BSN: variants seen among roughly 807,000 people sequenced by gnomAD.
BSN encodes the protein protein bassoon.
Under a neutral mutation model 264.8 loss-of-function variants are expected in BSN, and 57 were observed. The ratio of observed to expected loss-of-function variants is 0.22; its 90% CI spans 0.17 to 0.27. The LOEUF is 0.27. Ranked by LOEUF, BSN falls within the 10% of genes least tolerant of loss-of-function variation. The pLI is 1.00. For synonymous variants in BSN, 2,059 were observed against 2,137.3 expected (o/e 0.96, Z 1.01); for missense variants, 4,615 against 5,232.5 (o/e 0.88, Z 3.64).
intron 1 of BSN, among the ~76,000 whole-genome samples, chr3:49,575,529 T>TATGTAAATATATGTGTGTATAG (rs1559595773): frequency 2.0e-5 from 3 of 147,556 alleles, no homozygotes; most frequent in Admixed American, 6.9e-5. Flanking sequence ...TGTGTGTATA[T>TATGTAAATATATGTGTGTATAG]ATGTAAATAT....
At chr3:49,591,276 C>A (rs2051974710) in intron 1 of BSN, among the ~76,000 whole-genome samples, 1 of 152,156 alleles carries the variant, frequency 6.6e-6, no homozygotes, top group Non-Finnish European at 1.5e-5. Flanking sequence ...CTATATGTTA[C>A]ATAGAAACAA....
At position 49,653,986 on chromosome 3, in the gene BSN, G is replaced by A. The variant is rs1218941867; in HGVS notation, c.4430G>A (p.Ser1477Asn). Residue 1477 changes from serine to asparagine, a missense_variant, in exon 5 of 12, where the codon AGC becomes AAC. This residue lies in a region of BSN where 3,415 missense variants were observed against 3,866.4 expected (regional missense o/e 0.88). Transcript: ENST00000296452. The surrounding 1 kb of genome is among the most constrained non-coding windows in gnomAD (Gnocchi z 6.3). ...GCATATTCCTACTTTGCAAGCTCCA[G>A]CCCACCTCTCTCCCCGTCTTCCCCC... Reference protein sequence around the residue: ...SRAYSYFASSSPPLSPSSPSE... With the variant: ...SRAYSYFASSNPPLSPSSPSE... The A allele has an allele frequency of 6.2e-7, 1 of 1,613,976 alleles. No individual in the cohort carries two copies. Among genetic ancestry groups the A allele is most frequent in the Non-Finnish European group, 8.5e-7 (1 of 1,180,006 alleles).
Position 49,642,560 on chromosome 3 carries a change from C to T in BSN, c.926C>T (p.Pro309Leu). The T allele has an allele frequency of 1.9e-6, 3 of 1,603,256 alleles. No individual in the cohort carries two copies. The highest frequency in any genetic ancestry group is 2.6e-6 in the Non-Finnish European group (3 of 1,173,544). Residue 309 changes from proline to leucine, a missense_variant, in exon 3 of 12, where the codon CCC becomes CTC. By Grantham distance (98) the Pro-to-Leu change is moderately conservative. Transcript: ENST00000296452. The surrounding 1 kb of genome is among the most constrained non-coding windows in gnomAD (Gnocchi z 7.0). ...AGGGTGTCTCCTCAGCCCCCTCAAC[C>T]CACCAAGCCTTCCACAGCTGAGCCC... ...VGRVSPQPPQ[P>L]TKPSTAEPRP... is the part of the protein sequence containing the mutation.
Position 49,652,914 on chromosome 3 carries a change from C to A in BSN, c.3358C>A (p.Arg1120Ser). The change falls in exon 5 of 12, where the codon CGC (arginine) becomes AGC (serine). Residue 1120 changes from arginine (R) to serine (S), a missense_variant. Physicochemically the swap from Arg to Ser is moderately radical, Grantham distance 110. Around this residue, in one of 3 missense-constraint regions of BSN, gnomAD observed 3,415 missense variants for 3,866.4 expected, o/e 0.88. Coordinates refer to ENST00000296452, the MANE Select transcript of BSN (RefSeq NM_003458.4). ...GGCGGCCGAGATGGAGGAGCTACAC[C>A]GCTCCTCCTGCTCTGAGTACTCACC... Reference protein sequence around the residue: ...RQAAEMEELHRSSCSEYSPSP... With the variant: ...RQAAEMEELHSSSCSEYSPSP... 1 of 1,610,178 alleles carries A rather than the reference C, an allele frequency of 6.2e-7. No homozygotes were observed. The highest frequency in any genetic ancestry group is 8.5e-7 in the Non-Finnish European group (1 of 1,177,610).
rs369652563 is a variant in BSN at position 49,662,342 on chromosome 3, C to T, written c.10497C>T (p.Ser3499=). 8 of 1,613,412 alleles carry T rather than the reference C, an allele frequency of 5.0e-6. No homozygotes were observed. The Admixed American group carries it at 5.0e-5, about 10-fold the overall frequency. ...AHSRVRPPMR[S]QASEEESPVS... is the part of the protein sequence containing the mutation. ...GCCGGGTACGACCCCCCATGCGGAG[C>T]CAGGCCTCTGAAGAGGAGAGCCCCG... The change falls in exon 6 of 12, where the codon AGC becomes AGT. Residue 3499 remains serine (S), a synonymous_variant. Coordinates refer to ENST00000296452, the MANE Select transcript of BSN (RefSeq NM_003458.4).
At chr3:49,557,349 C>A (rs2051681126) in intron 1 of BSN, among the ~76,000 whole-genome samples, 1 of 152,192 alleles carries the variant, frequency 6.6e-6, no homozygotes, top group Admixed American at 6.5e-5. Flanking sequence ...GGGCATCATT[C>A]ACTCGTTAAT....
At chr3:49,566,468 C>G (rs556432991) in intron 1 of BSN, among the ~76,000 whole-genome samples, 1 of 152,088 alleles carries the variant, frequency 6.6e-6, no homozygotes, top group Non-Finnish European at 1.5e-5. Flanking sequence ...ATGTCTGTCT[C>G]CTTGACCTAC....
At chr3:49,558,494 G>T (rs1329886091) in intron 1 of BSN, among the ~76,000 whole-genome samples, 1 of 152,210 alleles carries the variant, frequency 6.6e-6, no homozygotes, top group African/African-American at 2.4e-5. Context: ...ACCATACCCC[G>T]AATTCCTTTT....
chr3:49,655,502 C>A lies in BSN; in HGVS notation c.5946C>A (p.Ser1982=). The A allele has an allele frequency of 6.2e-7, 1 of 1,606,332 alleles. No homozygotes were observed. The highest frequency in any genetic ancestry group is 1.7e-5 in the Admixed American group (1 of 59,830). Residue 1982 remains serine, a synonymous_variant, in exon 5 of 12, where the codon TCC becomes TCA. Coordinates refer to ENST00000296452, the MANE Select transcript of BSN (RefSeq NM_003458.4). ...YPQGLPGRLY[S]SMSDTNLAEA... ...AAGGCCTGCCTGGTAGGCTGTACTC[C>A]TCCATGTCTGACACCAATTTGGCTG...
Position 49,585,427 on chromosome 3 carries a change from C to T in BSN, c.224+30601C>T, listed in dbSNP as rs1188821043. On this transcript the variant is annotated intron_variant, in intron 1 of 11. Coordinates refer to ENST00000296452, the MANE Select transcript of BSN (RefSeq NM_003458.4). The surrounding 1 kb of genome is among the most constrained non-coding windows in gnomAD (Gnocchi z 4.7). Reference sequence around the variant, plus strand: ...CTCTGGTGAGGCCGGCGCTCCCTTCCCAGGCCGCAGCGGACAGACAGGGAT... The same window carrying T: ...CTCTGGTGAGGCCGGCGCTCCCTTCTCAGGCCGCAGCGGACAGACAGGGAT... 6.6e-6 allele frequency among the ~76,000 whole-genome samples: 1 copy of T among 152,172 alleles called. No homozygotes were observed. The highest frequency in any genetic ancestry group is 1.5e-5 in the Non-Finnish European group (1 of 68,030).
intron 3 of BSN, among the ~76,000 whole-genome samples, chr3:49,647,139 C>T (rs2052507907): frequency 6.6e-6 from 1 of 152,214 alleles, no homozygotes; most frequent in South Asian, 2.1e-4. Context: ...GCCAGCTCCA[C>T]ACATGAAGAG....
chr3:49,652,087 G>A lies in BSN; in HGVS notation c.2531G>A (p.Arg844Gln), dbSNP rs1427021565. The A allele has an allele frequency of 3.7e-6, 6 of 1,610,682 alleles. No homozygotes were observed. Among genetic ancestry groups the A allele is most frequent in the Admixed American group, 1.7e-5 (1 of 59,856 alleles). ...AAELTDEDFM[R>Q]RQILEMSAEE... The stretch of plus-strand genomic sequence containing the variant: ...GAACTGACTGATGAGGATTTCATGC[G>A]ACGGCAGATTCTCGAGATGAGCGCC... Residue 844 changes from arginine (R) to glutamine (Q), a missense_variant, in exon 5 of 12, where the codon CGA becomes CAA. Arg to Gln is a conservative substitution (Grantham distance 43). This residue lies in a region of BSN where 1,197 missense variants were observed against 1,348.0 expected (regional missense o/e 0.89). Transcript: ENST00000296452.
At position 49,658,024 on chromosome 3, in the gene BSN, G is replaced by A; in HGVS notation, c.8468G>A (p.Ser2823Asn). 6.2e-7 allele frequency: 1 copy of A among 1,613,584 alleles called. No homozygotes were observed. Among genetic ancestry groups the A allele is most frequent in the South Asian group, 1.1e-5 (1 of 91,066 alleles). The change falls in exon 5 of 12, where the codon AGT becomes AAT. Residue 2823 changes from serine (S) to asparagine (N), a missense_variant. This residue lies in a region of BSN where 3,415 missense variants were observed against 3,866.4 expected (regional missense o/e 0.88). Coordinates refer to ENST00000296452, the MANE Select transcript of BSN (RefSeq NM_003458.4). ...GAGAGGCTGAACAAAGCTCACGTGAGTCCCCAGAAGCACTTCACGGCTGAC... is the reference window on the plus strand; with the variant it reads ...GAGAGGCTGAACAAAGCTCACGTGAATCCCCAGAAGCACTTCACGGCTGAC... ...SSERLNKAHV[S>N]PQKHFTADSA...
chr3:49,645,914 C>T (rs1036697590), intron 3 of BSN, among the ~76,000 whole-genome samples: 1 of 152,168 alleles, frequency 6.6e-6, no homozygotes, highest in Non-Finnish European at 1.5e-5. Context: ...TGCTTAAGAA[C>T]GACTGTGCTG....
At chr3:49,594,890 A>ATTTT (rs35658408) in intron 1 of BSN, among the ~76,000 whole-genome samples, 1 of 144,316 alleles carries the variant, frequency 6.9e-6, no homozygotes, top group Admixed American at 7.0e-5. Flanking sequence ...AGATCCTACA[A>ATTTT]TTTTTTTTTT....
intron 1 of BSN, among the ~76,000 whole-genome samples, chr3:49,565,692 G>A (rs2051747472): frequency 6.6e-6 from 1 of 152,158 alleles, no homozygotes; most frequent in African/African-American, 2.4e-5. Flanking sequence ...AGTAGTTAGA[G>A]GGTGCTTTAC....
In BSN at chr3:49,664,506, A is replaced by G; in HGVS notation, c.11692A>G (p.Lys3898Glu). Residue 3898 changes from lysine to glutamate, a missense_variant, in exon 9 of 12, where the codon AAG becomes GAG. By Grantham distance (56) the Lys-to-Glu change is moderately conservative. This residue lies in a region of BSN where 3,415 missense variants were observed against 3,866.4 expected (regional missense o/e 0.88). Transcript: ENST00000296452. ...TGCCGATGGGGAGAGCGTGTTCTCC[A>G]AGATCCTCCCTGGCGGGGCAGCCGA... ...PGADGESVFSKILPGGAAEQA... is the reference protein window; with the variant it reads ...PGADGESVFSEILPGGAAEQA... 6.2e-7 allele frequency: 1 copy of G among 1,612,430 alleles called. No homozygotes were observed. Among genetic ancestry groups the G allele is most frequent in the Non-Finnish European group, 8.5e-7 (1 of 1,179,414 alleles).
rs1229121689 is a variant in BSN at position 49,663,002 on chromosome 3, A to G, written c.10844A>G (p.His3615Arg). ...SSSQKRGPAR[H>R]SYHDYDEPPE... ...TCCCAGAAGCGAGGCCCTGCCAGGC[A>G]CAGCTACCATGACTACGATGAACCC... is the stretch of plus-strand genomic sequence containing the variant. Residue 3615 changes from histidine (H) to arginine (R), a missense_variant, in exon 7 of 12, where the codon CAC becomes CGC. By Grantham distance (29) the His-to-Arg change is conservative (BLOSUM62 0). Coordinates refer to ENST00000296452, the MANE Select transcript of BSN (RefSeq NM_003458.4). 1 of 1,614,074 alleles carries G rather than the reference A, an allele frequency of 6.2e-7. No homozygotes were observed.
chr3:49,658,070 G>T lies in BSN; in HGVS notation c.8514G>T (p.Thr2838=), dbSNP rs1345847635. Residue 2838 remains threonine (T), a synonymous_variant, in exon 5 of 12, where the codon ACG becomes ACT. Coordinates refer to ENST00000296452, the MANE Select transcript of BSN (RefSeq NM_003458.4). The part of the protein sequence containing the change: ...FTADSALRQQ[T]LPRPMKTLQR... ...CTGACAGCGCTCTCCGCCAGCAGACGCTGCCTCGCCCCATGAAGACCCTGC... is the reference window on the plus strand; with the variant it reads ...CTGACAGCGCTCTCCGCCAGCAGACTCTGCCTCGCCCCATGAAGACCCTGC... The T allele has an allele frequency of 6.2e-7, 1 of 1,613,300 alleles. No homozygotes were observed. The highest frequency in any genetic ancestry group is 1.7e-5 in the Admixed American group (1 of 60,008).
Sources: gnomAD v4.1 joint callset for allele counts (sites outside exome capture counted in the v4.1 genomes callset) on GRCh38, gnomAD v4.1.1 for gene constraint, gnomAD v4.1.1 regional missense constraint, Gnocchi (gnomAD v3.1) non-coding constraint, MANE v1.5 for transcripts, NCBI Gene and HGNC (gene_info 2026-07-23, HGNC 2026-07-21) for gene names.